INSC: variants seen among roughly 807,000 people sequenced by gnomAD.
INSC encodes the protein INSC spindle orientation adaptor protein.
Under a neutral mutation model 58.6 loss-of-function variants are expected in INSC, and 67 were observed. The observed-to-expected ratio is 1.14, with a 90% CI of 0.94 to 1.40. The LOEUF (loss-of-function observed/expected upper bound fraction) is 1.40, where lower values mean the gene tolerates loss of function less well. Ranked by LOEUF, INSC falls within the 40% of genes most tolerant of loss-of-function variation. INSC has a pLI of 0.00. For missense variants in INSC, 714 were observed against 692.0 expected (o/e 1.03, Z -0.36); for synonymous variants, 262 against 276.1 (o/e 0.95, Z 0.51).
intron 2 of INSC, among the ~76,000 whole-genome samples, chr11:15,168,195 T>C (rs918960847): frequency 6.6e-6 from 1 of 152,206 alleles, no homozygotes; most frequent in African/African-American, 2.4e-5. Context: ...CATGGTGGTT[T>C]GCTGCAACTA....
the INSC span, among the ~76,000 whole-genome samples, chr11:15,263,549 G>T: frequency 6.6e-6 from 1 of 152,136 alleles, no homozygotes; most frequent in Non-Finnish European, 1.5e-5. Context: ...CAGCAAAAAT[G>T]AAAGCTGTAA....
chr11:15,233,299 G>T (rs1391960757), intron 9 of INSC, among the ~76,000 whole-genome samples: 1 of 152,140 alleles, frequency 6.6e-6, no homozygotes. Context: ...GAAACTGTCT[G>T]CCTGGCTCCT....
intron 9 of INSC, among the ~76,000 whole-genome samples, chr11:15,231,152 A>C (rs148445373): frequency 3.2e-4 from 48 of 152,326 alleles, no homozygotes; most frequent in African/African-American, 8.4e-4. Flanking sequence ...TGGAAAAGAA[A>C]GTATTTTCAA....
At position 15,144,695 on chromosome 11, in the gene INSC, A is replaced by G. The variant is rs111298701; in HGVS notation, c.-45-4435A>G. Among the ~76,000 whole-genome samples, 639 of 152,318 alleles carry G rather than the reference A, an allele frequency of 4.2e-3. 5 individuals are homozygous for G. The highest frequency in any genetic ancestry group is 6.0e-3 in the Non-Finnish European group (411 of 68,026). ...CTGTACCTGGATTGGCCCATTAGAC[A>G]ATGGCAGAAACCACCTTTGCTCCTG... On this transcript the variant is annotated intron_variant, in intron 1 of 12. Transcript: ENST00000379556.
At chr11:15,130,372 G>A (rs1292617251) in intron 1 of INSC, among the ~76,000 whole-genome samples, 2 of 152,036 alleles carry the variant, frequency 1.3e-5, no homozygotes, top group Admixed American at 6.6e-5. Context: ...CCTTCTTTAT[G>A]TAGTGAGTTT....
intron 4 of INSC, among the ~76,000 whole-genome samples, chr11:15,177,609 T>G (rs1433368792): frequency 1.3e-5 from 2 of 152,184 alleles, no homozygotes; most frequent in Non-Finnish European, 2.9e-5. Context: ...AGAAATACAT[T>G]CACACCCTTT....
chr11:15,266,149 G>A, the INSC span, among the ~76,000 whole-genome samples: 2 of 151,664 alleles, frequency 1.3e-5, no homozygotes, highest in African/African-American at 4.8e-5. Flanking sequence ...CTAACCAAGA[G>A]TTAGTTTTAT....
intron 1 of INSC, among the ~76,000 whole-genome samples, chr11:15,143,955 A>G (rs1848432010): frequency 6.6e-6 from 1 of 152,198 alleles, no homozygotes; most frequent in Non-Finnish European, 1.5e-5. Context: ...ATTCTTCTGC[A>G]GGTACCACAA....
chr11:15,225,275 A>G (rs192305925), intron 8 of INSC, among the ~76,000 whole-genome samples: 81 of 152,284 alleles, frequency 5.3e-4, no homozygotes, highest in Non-Finnish European at 9.0e-4. Flanking sequence ...AGACTTTGTA[A>G]TTATGCATAG....
chr11:15,215,885 G>A (rs1266042746), intron 7 of INSC, among the ~76,000 whole-genome samples: 1 of 152,186 alleles, frequency 6.6e-6, no homozygotes, highest in African/African-American at 2.4e-5. Context: ...AGCTCTGAGA[G>A]GGGAGTAAGG....
chr11:15,166,541 C>A (rs1362761683), intron 2 of INSC, among the ~76,000 whole-genome samples: 4 of 152,108 alleles, frequency 2.6e-5, no homozygotes, highest in African/African-American at 9.7e-5. Context: ...AATTCTAGAG[C>A]AGAGGATAGG....
intron 1 of INSC, among the ~76,000 whole-genome samples, chr11:15,120,191 A>G (rs941248547): frequency 4.6e-5 from 7 of 152,236 alleles, no homozygotes; most frequent in Non-Finnish European, 8.8e-5. Context: ...GAAGATCCAG[A>G]AAGTACAACC....
At chr11:15,198,622 C>A (rs963513241) in intron 6 of INSC, among the ~76,000 whole-genome samples, 1 of 151,928 alleles carries the variant, frequency 6.6e-6, no homozygotes, top group African/African-American at 2.4e-5. Context: ...AATATTTATA[C>A]AATATGTATG....
intron 1 of INSC, among the ~76,000 whole-genome samples, chr11:15,115,309 C>G (rs73412775): frequency 6.6e-6 from 1 of 152,162 alleles, no homozygotes; most frequent in Non-Finnish European, 1.5e-5. Context: ...TGCACTGTGT[C>G]TGTACCTGTG....
At chr11:15,248,285 G>A (rs1852613333), downstream of INSC, among the ~76,000 whole-genome samples, 1 of 152,184 alleles carries the variant, frequency 6.6e-6, no homozygotes, top group African/African-American at 2.4e-5. Flanking sequence ...GTGTGGCAGT[G>A]AAGAATACAA....
chr11:15,193,879 A>C (rs1590430821), intron 6 of INSC, among the ~76,000 whole-genome samples: 1 of 152,232 alleles, frequency 6.6e-6, no homozygotes, highest in East Asian at 1.9e-4. Context: ...TGCTTCTGGA[A>C]GGCAATTCTG....
At chr11:15,248,493 C>T (rs924859929), downstream of INSC, among the ~76,000 whole-genome samples, 1 of 152,182 alleles carries the variant, frequency 6.6e-6, no homozygotes, top group African/African-American at 2.4e-5. Flanking sequence ...AGGGGCCCTA[C>T]TTTGAGAATC....
chr11:15,239,278 C>A (rs1852251603), intron 11 of INSC, among the ~76,000 whole-genome samples: 2 of 152,128 alleles, frequency 1.3e-5, no homozygotes, highest in African/African-American at 4.8e-5. Flanking sequence ...GGAGAAAGGA[C>A]CTAGAGAGGT....
At chr11:15,244,547 G>A (rs995244248) in intron 12 of INSC, among the ~76,000 whole-genome samples, 2 of 152,102 alleles carry the variant, frequency 1.3e-5, no homozygotes, top group African/African-American at 4.8e-5. Context: ...ATATAACCTT[G>A]TATCCTGGGG....
Sources: gnomAD v4.1 joint callset for allele counts (sites outside exome capture counted in the v4.1 genomes callset) on GRCh38, gnomAD v4.1.1 for gene constraint, MANE v1.5 for transcripts, NCBI Gene and HGNC (gene_info 2026-07-23, HGNC 2026-07-21) for gene names.